PPP1R12B: variants seen among roughly 807,000 people sequenced by gnomAD.
PPP1R12B encodes protein phosphatase 1 regulatory subunit 12B.
In PPP1R12B, 76 loss-of-function variants were observed where a neutral mutation model predicts 126.1. That is an observed-to-expected ratio of 0.60 (90% CI 0.50 to 0.73). The LOEUF is 0.73. Ranked by LOEUF, PPP1R12B falls within the 30% of genes least tolerant of loss-of-function variation. The pLI is 0.00. For missense variants in PPP1R12B, 1,052 were observed against 1,205.1 expected (o/e 0.87, Z 1.88); for synonymous variants, 356 against 434.7 (o/e 0.82, Z 2.25).
chr1:202,511,418 C>T (rs576415754), intron 18 of PPP1R12B, among the ~76,000 whole-genome samples: 95 of 151,960 alleles, frequency 6.3e-4, no homozygotes, highest in African/African-American at 1.4e-3. Flanking sequence ...GGGGTTTCAC[C>T]GTCTTAGCCA....
chr1:202,430,631 A>T, intron 6 of PPP1R12B, 100 bp from the exon 7 acceptor site: 1 of 1,315,734 alleles, frequency 7.6e-7, no homozygotes, highest in African/African-American at 1.5e-5. Flanking sequence ...TGTTGGTCCT[A>T]TTTTCTTCAG....
rs1484814164 is a variant in PPP1R12B, at chr1:202,581,403, C to T, written c.*843C>T. On this transcript the variant is annotated 3_prime_UTR_variant, in exon 24 of 24. Coordinates refer to ENST00000608999, the MANE Select transcript of PPP1R12B (RefSeq NM_002481.4). ...CACTCTGGTGCCTTGGTGGCAGCACCACTGCCTGCTCCCTGGAAGGTAGAC... is the reference window on the plus strand; with the variant it reads ...CACTCTGGTGCCTTGGTGGCAGCACTACTGCCTGCTCCCTGGAAGGTAGAC... 1 of 152,262 alleles carries T rather than the reference C, an allele frequency of 6.6e-6. No individual in the cohort carries two copies. The highest frequency in any genetic ancestry group is 2.4e-5 in the African/African-American group (1 of 41,434). 9.4% of individuals were successfully genotyped at this position (152,262 alleles called of 1,614,324 possible).
intron 1 of PPP1R12B, among the ~76,000 whole-genome samples, chr1:202,356,903 C>A (rs1657206892): frequency 6.6e-6 from 1 of 151,594 alleles, no homozygotes; most frequent in Non-Finnish European, 1.5e-5. Flanking sequence ...CTCACTACAA[C>A]CTCCGCTGCC....
At chr1:202,366,594 A>C (rs1659282968) in intron 1 of PPP1R12B, among the ~76,000 whole-genome samples, 1 of 151,990 alleles carries the variant, frequency 6.6e-6, no homozygotes, top group African/African-American at 2.4e-5. Context: ...TAAAAATCAG[A>C]CATTGAGCAA....
intron 1 of PPP1R12B, among the ~76,000 whole-genome samples, chr1:202,402,073 C>T (rs1384363897): frequency 2.0e-5 from 3 of 152,188 alleles, no homozygotes; most frequent in African/African-American, 4.8e-5. Context: ...AGACAGGGGG[C>T]GTTTCTCATT....
intron 18 of PPP1R12B, among the ~76,000 whole-genome samples, chr1:202,545,997 A>G (rs983716390): frequency 6.6e-6 from 1 of 152,208 alleles, no homozygotes. Flanking sequence ...GAATAAAGGA[A>G]TGAAGATTTG....
chr1:202,368,006 G>A (rs1409556504), intron 1 of PPP1R12B, among the ~76,000 whole-genome samples: 4 of 151,562 alleles, frequency 2.6e-5, no homozygotes, highest in Non-Finnish European at 4.4e-5. Flanking sequence ...TTTTGCTCTT[G>A]TTGCCCAAGC....
At chr1:202,498,212 A>G (rs936255320) in intron 18 of PPP1R12B, among the ~76,000 whole-genome samples, 7 of 152,196 alleles carry the variant, frequency 4.6e-5, no homozygotes, top group South Asian at 2.1e-4. Flanking sequence ...TTGACTTGAA[A>G]GTATGAAGAA....
intron 18 of PPP1R12B, among the ~76,000 whole-genome samples, chr1:202,542,966 G>A (rs1312653351): frequency 1.3e-5 from 2 of 152,078 alleles, no homozygotes; most frequent in Non-Finnish European, 2.9e-5. Flanking sequence ...CAAAACGGAG[G>A]ATTGAAATTT....
At position 202,477,634 on chromosome 1, in the gene PPP1R12B, A is replaced by G. The variant is rs1676836556; in HGVS notation, c.1851-10899A>G. Among the ~76,000 whole-genome samples, 4 of 152,202 alleles carry G rather than the reference A, an allele frequency of 2.6e-5. No individual in the cohort carries two copies. In the South Asian group the frequency reaches 6.2e-4, roughly 24 times the overall value. On this transcript the variant is annotated intron_variant, in intron 13 of 23. Coordinates refer to ENST00000608999, the MANE Select transcript of PPP1R12B (RefSeq NM_002481.4). ...CCCTGGGCTAGAGTGCAGTGGTGCA[A>G]TCATGGCTCACTGCAGCCTTGACTT... is the stretch of plus-strand genomic sequence containing the variant.
intron 13 of PPP1R12B, among the ~76,000 whole-genome samples, chr1:202,484,233 T>C (rs1460875222): frequency 1.3e-5 from 2 of 152,202 alleles, no homozygotes; most frequent in Non-Finnish European, 2.9e-5. Context: ...TGGTTTTCTG[T>C]AGTGCTGAGC....
chr1:202,393,346 C>T (rs1558169959), intron 1 of PPP1R12B, among the ~76,000 whole-genome samples: 1 of 151,672 alleles, frequency 6.6e-6, no homozygotes, highest in African/African-American at 2.4e-5. Flanking sequence ...ACATGAGAAA[C>T]TTCTCAGATT....
chr1:202,439,462 G>T, intron 10 of PPP1R12B: 7 of 1,433,666 alleles, frequency 4.9e-6, no homozygotes, highest in Non-Finnish European at 6.8e-6. Context: ...CCCGCCAAGT[G>T]CCCCGGCAAG....
chr1:202,435,192 A>T (rs545902569), intron 9 of PPP1R12B, among the ~76,000 whole-genome samples: 1 of 152,312 alleles, frequency 6.6e-6, no homozygotes, highest in African/African-American at 2.4e-5. Context: ...ATATAGTCAC[A>T]TTGGGAATTA....
chr1:202,437,763 C>G, intron 9 of PPP1R12B, 58 bp from the exon 10 acceptor site: 44 of 1,475,214 alleles, frequency 3.0e-5, no homozygotes, highest in Non-Finnish European at 3.7e-5. Flanking sequence ...GGCAAATAGG[C>G]TGAGAAAGAA....
At chr1:202,428,274 T>G (rs1335717075) in intron 5 of PPP1R12B, among the ~76,000 whole-genome samples, 1 of 152,166 alleles carries the variant, frequency 6.6e-6, no homozygotes, top group East Asian at 1.9e-4. Flanking sequence ...AGCCCATATA[T>G]GTACTGATTT....
chr1:202,482,239 T>C (rs1436384032), intron 13 of PPP1R12B, among the ~76,000 whole-genome samples: 4 of 152,180 alleles, frequency 2.6e-5, no homozygotes, highest in Non-Finnish European at 4.4e-5. Context: ...TTCCTTTCCT[T>C]TGGATGTGTA....
chr1:202,401,960 T>G (rs1490347531), intron 1 of PPP1R12B, among the ~76,000 whole-genome samples: 1 of 152,176 alleles, frequency 6.6e-6, no homozygotes, highest in African/African-American at 2.4e-5. Context: ...CATCTGAAAT[T>G]TTCTGTCTTG....
chr1:202,567,789 A>G lies in PPP1R12B; in HGVS notation c.2769A>G (p.Glu923=). 6.2e-7 allele frequency: 1 copy of G among 1,614,084 alleles called. No homozygotes were observed. The highest frequency in any genetic ancestry group is 2.2e-5 in the East Asian group (1 of 44,888). The change falls in exon 22 of 24, where the codon GAA becomes GAG. Residue 923 remains glutamate, a synonymous_variant. Transcript: ENST00000608999. Reference sequence around the variant, plus strand: ...TCCATTTGCACCAGCAGAAACAAGAAAAGACCTCTGACCGATCATCAGTGC... The same window carrying G: ...TCCATTTGCACCAGCAGAAACAAGAGAAGACCTCTGACCGATCATCAGTGC... The part of the protein sequence containing the change: ...KLEKVAQQKQ[E]KTSDRSSVLE...
Sources: gnomAD v4.1 joint callset for allele counts (sites outside exome capture counted in the v4.1 genomes callset) on GRCh38, gnomAD v4.1.1 for gene constraint, MANE v1.5 for transcripts, NCBI Gene and HGNC (gene_info 2026-07-23, HGNC 2026-07-21) for gene names.